Variants in AFG2A observed in about 807,000 individuals in gnomAD.
AFG2A encodes ATPase family gene 2 protein homolog A.
chr4:123,215,792 A>C, the AFG2A span, among the ~76,000 whole-genome samples: 1 of 152,272 alleles, frequency 6.6e-6, no homozygotes, highest in African/African-American at 2.4e-5. Flanking sequence ...TAGCATTTTC[A>C]AAAGTGTGAC....
At chr4:123,097,858 C>A in the AFG2A span, among the ~76,000 whole-genome samples, 1 of 152,124 alleles carries the variant, frequency 6.6e-6, no homozygotes, top group African/African-American at 2.4e-5. Context: ...ACGTGACCCA[C>A]CAACTGGTTT....
chr4:123,176,281 T>C, the AFG2A span, among the ~76,000 whole-genome samples: 3 of 152,184 alleles, frequency 2.0e-5, no homozygotes. Flanking sequence ...CCTCGTCTAA[T>C]GTTGCTGTTC....
the AFG2A span, among the ~76,000 whole-genome samples, chr4:123,180,225 A>C: frequency 6.6e-6 from 1 of 152,124 alleles, no homozygotes; most frequent in Admixed American, 6.5e-5. Flanking sequence ...GTCTCAGAAA[A>C]AACAACAACA....
the AFG2A span, among the ~76,000 whole-genome samples, chr4:123,180,074 G>T: frequency 6.6e-6 from 1 of 151,892 alleles, no homozygotes; most frequent in Non-Finnish European, 1.5e-5. Context: ...ACAAAAATTA[G>T]CTGGGCATGG....
the AFG2A span, among the ~76,000 whole-genome samples, chr4:123,096,834 G>A: frequency 3.3e-5 from 5 of 152,210 alleles, no homozygotes; most frequent in South Asian, 1.0e-3. Flanking sequence ...CTATTGTTGT[G>A]TTAGACTCAT....
chr4:123,167,493 G>A, the AFG2A span, among the ~76,000 whole-genome samples: 3 of 151,808 alleles, frequency 2.0e-5, no homozygotes, highest in Admixed American at 6.6e-5. Context: ...GAGTACAGGC[G>A]CCCGCCACCA....
chr4:123,021,269 T>C, the AFG2A span, among the ~76,000 whole-genome samples: 469 of 152,090 alleles, frequency 3.1e-3, 1 homozygote, highest in Non-Finnish European at 5.3e-3. Flanking sequence ...TTTTTTTTTT[T>C]CTTTTTTTAC....
chr4:123,102,295 G>GAAAAAAAAAAAAAAAAAAAAAAA, the AFG2A span: 1 of 133,678 alleles, frequency 7.5e-6, no homozygotes, highest in African/African-American at 2.8e-5. Flanking sequence ...GTGATTTTCA[G>GAAAAAAAAAAAAAAAAAAAAAAA]AAAAAAAAAA....
the AFG2A span, among the ~76,000 whole-genome samples, chr4:122,999,113 T>C: frequency 4.4e-5 from 6 of 137,812 alleles, no homozygotes; most frequent in South Asian, 2.8e-4. Context: ...ATGTCTTCTT[T>C]TGAGAAGTGT....
chr4:123,173,358 T>TTTTTTTTTTTTC, the AFG2A span, among the ~76,000 whole-genome samples: 1 of 121,742 alleles, frequency 8.2e-6, no homozygotes, highest in African/African-American at 3.0e-5. Flanking sequence ...TTTTTTTTTT[T>TTTTTTTTTTTTC]TTTTTTTTTT....
chr4:122,931,909 G>A, the AFG2A span, among the ~76,000 whole-genome samples: 1 of 152,054 alleles, frequency 6.6e-6, no homozygotes, highest in African/African-American at 2.4e-5. Context: ...TTTGGGAGTT[G>A]GTAAATTTGC....
the AFG2A span, among the ~76,000 whole-genome samples, chr4:123,058,926 A>G: frequency 0.054 from 8,198 of 152,164 alleles, 524 homozygotes; most frequent in African/African-American, 0.16. Context: ...CCACAGACCA[A>G]AGTCTCATCT....
At chr4:123,003,263 G>T in the AFG2A span, among the ~76,000 whole-genome samples, 4 of 152,262 alleles carry the variant, frequency 2.6e-5, no homozygotes, top group South Asian at 2.1e-4. Context: ...TCCTCCTGTA[G>T]CTCGGAGTAG....
the AFG2A span, chr4:122,934,334 C>T: frequency 1.2e-5 from 19 of 1,614,076 alleles, no homozygotes; most frequent in Non-Finnish European, 1.5e-5. Context: ...ATCCCAACAT[C>T]AAGAAGTACT....
chr4:123,290,658 G>A, the AFG2A span, among the ~76,000 whole-genome samples: 2 of 152,192 alleles, frequency 1.3e-5, no homozygotes, highest in South Asian at 2.1e-4. Flanking sequence ...ATCTTAAATG[G>A]ATGGCAGCAG....
the AFG2A span, among the ~76,000 whole-genome samples, chr4:123,037,754 T>C: frequency 0.013 from 1,913 of 152,226 alleles, 52 homozygotes; most frequent in African/African-American, 0.044. Context: ...TAAAATCTTG[T>C]TTTAAATTTA....
the AFG2A span, among the ~76,000 whole-genome samples, chr4:123,179,105 G>A: frequency 0.061 from 9,303 of 152,170 alleles, 950 homozygotes; most frequent in African/African-American, 0.21. Flanking sequence ...ATAGAGCATA[G>A]TAAGAAGCCG....
the AFG2A span, among the ~76,000 whole-genome samples, chr4:123,221,883 C>T: frequency 0.021 from 3,229 of 151,960 alleles, 63 homozygotes; most frequent in Non-Finnish European, 0.035. Context: ...GCCAAAATTG[C>T]GCCACTGCAT....
At chr4:123,124,817 C>G in the AFG2A span, among the ~76,000 whole-genome samples, 1 of 152,240 alleles carries the variant, frequency 6.6e-6, no homozygotes, top group Admixed American at 6.5e-5. Context: ...ATGATTTGCT[C>G]TGTAAGTGAA....
Sources: allele counts gnomAD v4.1 joint callset (sites outside exome capture counted in the v4.1 genomes callset), GRCh38; gene constraint gnomAD v4.1.1; transcripts MANE v1.5; gene names NCBI Gene and HGNC (gene_info 2026-07-23, HGNC 2026-07-21).